Variants in ARL15 observed in about 807,000 individuals in gnomAD.
ARL15 encodes the protein ADP-ribosylation factor-like protein 15.
In ARL15, 19 loss-of-function variants were observed where a neutral mutation model predicts 25.2. The observed-to-expected ratio is 0.75, with a 90% CI of 0.53 to 1.10. The LOEUF (loss-of-function observed/expected upper bound fraction) is 1.10. Among genes scored for constraint, ARL15 ranks in the 50% least tolerant of loss-of-function variants. The probability of loss-of-function intolerance (pLI) is 0.00; values close to 1 mark genes in which losing one functional copy is unlikely to be tolerated. For missense variants in ARL15, 220 were observed against 246.0 expected (o/e 0.89, Z 0.71); for synonymous variants, 94 against 86.8 (o/e 1.08, Z -0.46).
At chr5:54,219,920 G>A (rs1297874601) in intron 1 of ARL15, among the ~76,000 whole-genome samples, 2 of 152,082 alleles carry the variant, frequency 1.3e-5, no homozygotes, top group Non-Finnish European at 2.9e-5. Context: ...TTCATTTCTT[G>A]AAATGGATAA....
chr5:54,255,957 T>A (rs1328175350), intron 1 of ARL15, among the ~76,000 whole-genome samples: 1 of 150,634 alleles, frequency 6.6e-6, no homozygotes, highest in African/African-American at 2.4e-5. Flanking sequence ...AATGCCAACA[T>A]CAACAAGTCT....
chr5:54,222,362 G>A (rs35674247), intron 1 of ARL15, among the ~76,000 whole-genome samples: 30,665 of 152,092 alleles, frequency 0.2, 3,803 homozygotes, highest in Middle Eastern at 0.31. Context: ...ATTCTATTTA[G>A]TCAATGATTT....
At chr5:54,144,398 T>TG (rs558197197) in intron 3 of ARL15, among the ~76,000 whole-genome samples, 131 of 152,266 alleles carry the variant, frequency 8.6e-4, no homozygotes, top group South Asian at 1.9e-3. Flanking sequence ...CCTAGTTCAA[T>TG]CTTTCATTTC....
chr5:54,085,754 C>T (rs1373827833), intron 4 of ARL15, among the ~76,000 whole-genome samples: 1 of 152,114 alleles, frequency 6.6e-6, no homozygotes, highest in Non-Finnish European at 1.5e-5. Flanking sequence ...ACTGTAGTTG[C>T]TTCCATTGTC....
chr5:53,978,017 C>T (rs1214639971), intron 4 of ARL15, among the ~76,000 whole-genome samples: 2 of 152,102 alleles, frequency 1.3e-5, no homozygotes, highest in Admixed American at 1.3e-4. Context: ...ATCTAAGAGA[C>T]AAAAACTTTA....
chr5:53,906,609 T>C (rs556493694), intron 4 of ARL15, among the ~76,000 whole-genome samples: 41 of 152,300 alleles, frequency 2.7e-4, no homozygotes, highest in Non-Finnish European at 4.7e-4. Flanking sequence ...CTAAAAGACA[T>C]AATATATTAA....
chr5:54,185,737 A>C (rs1277074136), intron 1 of ARL15, among the ~76,000 whole-genome samples: 1 of 152,230 alleles, frequency 6.6e-6, no homozygotes, highest in Non-Finnish European at 1.5e-5. Context: ...CACAGTACTC[A>C]ATAATCAATA....
chr5:54,261,567 G>C (rs1048449551), intron 1 of ARL15, among the ~76,000 whole-genome samples: 7 of 151,928 alleles, frequency 4.6e-5, no homozygotes. Flanking sequence ...AAAAAAAAGA[G>C]AGAACTTCAG....
chr5:54,026,146 C>A (rs1458375320), intron 4 of ARL15, among the ~76,000 whole-genome samples: 2 of 152,182 alleles, frequency 1.3e-5, no homozygotes, highest in Non-Finnish European at 2.9e-5. Flanking sequence ...CTTGTTTCAA[C>A]TTTGACACAT....
intron 4 of ARL15, among the ~76,000 whole-genome samples, chr5:54,006,368 G>C (rs1007784613): frequency 2.0e-5 from 3 of 151,866 alleles, no homozygotes. Context: ...GAAATATTTT[G>C]ATATTGAGAC....
chr5:54,094,199 G>C (rs955067717), intron 4 of ARL15, among the ~76,000 whole-genome samples: 2 of 152,114 alleles, frequency 1.3e-5, no homozygotes, highest in Non-Finnish European at 2.9e-5. Context: ...TCCTAGACCA[G>C]ACCACGTAGA....
chr5:54,192,190 A>C (rs1755423262), intron 1 of ARL15, among the ~76,000 whole-genome samples: 1 of 151,888 alleles, frequency 6.6e-6, no homozygotes, highest in African/African-American at 2.4e-5. Context: ...CTTTGCTCAC[A>C]TATCACCTTT....
intron 4 of ARL15, among the ~76,000 whole-genome samples, chr5:53,922,282 T>C (rs1459543483): frequency 2.6e-5 from 4 of 152,348 alleles, no homozygotes; most frequent in East Asian, 3.9e-4. Flanking sequence ...CTGTGTTTAG[T>C]AACGAGGATA....
At chr5:54,018,570 T>C (rs765999314) in intron 4 of ARL15, among the ~76,000 whole-genome samples, 1 of 152,238 alleles carries the variant, frequency 6.6e-6, no homozygotes, top group Non-Finnish European at 1.5e-5. Context: ...TGCACCGTGA[T>C]CTGGGAAAAG....
intron 2 of ARL15, among the ~76,000 whole-genome samples, chr5:54,161,553 G>A (rs1754401696): frequency 6.6e-6 from 1 of 151,988 alleles, no homozygotes; most frequent in African/African-American, 2.4e-5. Flanking sequence ...TAAACTTCTG[G>A]TAAAGTTGAA....
chr5:54,094,939 G>A (rs1303733441), intron 4 of ARL15, among the ~76,000 whole-genome samples: 1 of 152,150 alleles, frequency 6.6e-6, no homozygotes, highest in Non-Finnish European at 1.5e-5. Flanking sequence ...AGCCTTCTTT[G>A]AATATCAACT....
intron 1 of ARL15, among the ~76,000 whole-genome samples, chr5:54,268,825 T>C (rs2112639321): frequency 6.6e-6 from 1 of 152,334 alleles, no homozygotes; most frequent in Admixed American, 6.5e-5. Flanking sequence ...CCAACCCAAA[T>C]GTCCAACGAT....
intron 4 of ARL15, among the ~76,000 whole-genome samples, chr5:54,081,259 T>G (rs1214329080): frequency 2.0e-5 from 3 of 152,196 alleles, no homozygotes; most frequent in Non-Finnish European, 4.4e-5. Flanking sequence ...AGCCTTAGTT[T>G]GAAAACTTTT....
At chr5:54,186,248 G>A (rs557028499) in intron 1 of ARL15, among the ~76,000 whole-genome samples, 1 of 152,286 alleles carries the variant, frequency 6.6e-6, no homozygotes, top group African/African-American at 2.4e-5. Context: ...GTCTAGCGCG[G>A]AGAAGCCAAT....
Sources: allele counts gnomAD v4.1 joint callset (sites outside exome capture counted in the v4.1 genomes callset), GRCh38; gene constraint gnomAD v4.1.1; transcripts MANE v1.5; gene names NCBI Gene and HGNC (gene_info 2026-07-23, HGNC 2026-07-21).